Variants in SCUBE3 observed in about 807,000 individuals in gnomAD.
The protein encoded by SCUBE3 is signal peptide, CUB and EGF-like domain-containing protein 3.
SCUBE3 carries 33 observed loss-of-function variants against 116.8 expected under a neutral mutation model. That is an observed-to-expected ratio of 0.28 (90% CI 0.21 to 0.38). The LOEUF (loss-of-function observed/expected upper bound fraction) is 0.38. Ranked by LOEUF, SCUBE3 falls within the 10% of genes least tolerant of loss-of-function variation. The pLI is 1.00. For synonymous variants in SCUBE3, 418 were observed against 496.9 expected, an observed-to-expected ratio of 0.84 and a Z score of 2.11; for missense variants, 1,007 against 1,324.8, an observed-to-expected ratio of 0.76 and a Z score of 3.72.
intron 6 of SCUBE3, among the ~76,000 whole-genome samples, chr6:35,236,931 C>T (rs1235898191): frequency 6.6e-6 from 1 of 152,142 alleles, no homozygotes; most frequent in Non-Finnish European, 1.5e-5. Flanking sequence ...TCTGACTTTC[C>T]CAAGCTACCA....
At position 35,235,759 on chromosome 6, in the gene SCUBE3, C is replaced by T. The variant is rs906936656; in HGVS notation, c.713-2143C>T. On this transcript the variant is annotated intron_variant, in intron 6 of 21. Coordinates refer to ENST00000274938, the MANE Select transcript of SCUBE3 (RefSeq NM_152753.4). The surrounding 1 kb of genome is among the most constrained non-coding windows in gnomAD (Gnocchi z 4.5). Reference sequence around the variant, plus strand: ...GCCCTTCCTCTTCTGCTGTCTCCTCCCACACCCACCTTCTAACACCCCACC... The same window carrying T: ...GCCCTTCCTCTTCTGCTGTCTCCTCTCACACCCACCTTCTAACACCCCACC... Among the ~76,000 whole-genome samples the T allele has an allele frequency of 6.6e-6, 1 of 152,128 alleles. No individual in the cohort carries two copies. The highest frequency in any genetic ancestry group is 1.5e-5 in the Non-Finnish European group (1 of 68,018).
chr6:35,226,641 C>T (rs748787364), intron 1 of SCUBE3, among the ~76,000 whole-genome samples: 6 of 151,966 alleles, frequency 3.9e-5, no homozygotes, highest in Non-Finnish European at 5.9e-5. Context: ...CATCACCACA[C>T]CTGGCTAATT....
chr6:35,214,158 C>T lies in SCUBE3; in HGVS notation c.-261C>T, dbSNP rs955698430. Among the ~76,000 whole-genome samples the T allele has an allele frequency of 2.6e-5, 4 of 152,196 alleles. No homozygotes were observed. Among genetic ancestry groups the T allele is most frequent in the African/African-American group, 9.6e-5 (4 of 41,460 alleles). ...CGGCTTGGAGAGGGCGGGGGTTCCC[C>T]TCCGTCAGTCGCCCCTGGCGCCCCT... On this transcript the variant is annotated 5_prime_UTR_variant, in exon 1 of 22. Coordinates refer to ENST00000274938, the MANE Select transcript of SCUBE3 (RefSeq NM_152753.4). The surrounding 1 kb of genome is among the most constrained non-coding windows in gnomAD (Gnocchi z 6.3).
intron 1 of SCUBE3, chr6:35,218,190 G>T (rs1782998532): frequency 2.0e-6 from 2 of 980,280 alleles, no homozygotes; most frequent in South Asian, 4.7e-5. Context: ...AGAGGAGCCG[G>T]CCCTGGGTGT....
At position 35,241,634 on chromosome 6, in the gene SCUBE3, T is replaced by C; in HGVS notation, c.1287T>C (p.Cys429=). Residue 429 remains cysteine (C), a synonymous_variant, in exon 11 of 22, where the codon TGT becomes TGC. Transcript: ENST00000274938. This position sits in a 1 kb window ranked among gnomAD's most constrained non-coding sequence, Gnocchi z 4.1. The stretch of plus-strand genomic sequence containing the variant: ...AGAAGGACACCTGTGCCCTGACCTG[T>C]CCCTCCAGGGCCCGATTTTTGCCAG... ...SGKKDTCALT[C]PSRARFLPES... 6.2e-7 allele frequency: 1 copy of C among 1,613,692 alleles called. No homozygotes were observed. Among genetic ancestry groups the C allele is most frequent in the South Asian group, 1.1e-5 (1 of 91,056 alleles).
chr6:35,237,162 CTCTT>C (rs1236312778), intron 6 of SCUBE3, among the ~76,000 whole-genome samples: 1 of 152,192 alleles, frequency 6.6e-6, no homozygotes, highest in African/African-American at 2.4e-5. Context: ...CTGGATTCTT[CTCTT>C]TCTTTTGCTT....
rs1165752182 is a variant in SCUBE3 at position 35,243,834 on chromosome 6, A to C, written c.2071+79A>C. ...ATGGGCATGGGATTTCCCAAAGGGC[A>C]GGCCCAGGCTCCAGGCCACTCTCTT... On this transcript the variant is annotated intron_variant, in intron 16 of 21. Coordinates refer to ENST00000274938, the MANE Select transcript of SCUBE3 (RefSeq NM_152753.4). The surrounding 1 kb of genome is among the most constrained non-coding windows in gnomAD (Gnocchi z 6.6). 7.7e-6 allele frequency: 12 copies of C among 1,548,508 alleles called. No homozygotes were observed. Among genetic ancestry groups the C allele is most frequent in the Non-Finnish European group, 1.1e-5 (12 of 1,129,660 alleles).
intron 1 of SCUBE3, chr6:35,218,006 C>A: frequency 3.4e-6 from 1 of 296,558 alleles, no homozygotes; most frequent in Non-Finnish European, 5.0e-6. Flanking sequence ...CTCTTTGAGT[C>A]TCTGCAGGGT....
Position 35,228,017 on chromosome 6 carries a change from C to G in SCUBE3, c.208+315C>G, listed in dbSNP as rs544440727. Among the ~76,000 whole-genome samples, 1 of 152,188 alleles carries G rather than the reference C, an allele frequency of 6.6e-6. No homozygotes were observed. The highest frequency in any genetic ancestry group is 1.5e-5 in the Non-Finnish European group (1 of 68,028). ...ACATTGGAACCTTTATCTTTAGACC[C>G]TTACACCACATCCACAATGGATGGG... On this transcript the variant is annotated intron_variant, in intron 2 of 21. Transcript: ENST00000274938. The surrounding 1 kb of genome is among the most constrained non-coding windows in gnomAD (Gnocchi z 4.9).
chr6:35,226,156 C>T (rs932255069), intron 1 of SCUBE3, among the ~76,000 whole-genome samples: 2 of 152,146 alleles, frequency 1.3e-5, no homozygotes, highest in Non-Finnish European at 2.9e-5. Flanking sequence ...ACTGATGGCC[C>T]GGCACCAGTC....
At chr6:35,221,951 C>G (rs1783132441) in intron 1 of SCUBE3, 1 of 152,112 alleles carries the variant, frequency 6.6e-6, no homozygotes, top group Admixed American at 6.5e-5. Flanking sequence ...CAAGGACATT[C>G]AAGGAGAGGA....
chr6:35,242,182 T>G, intron 12 of SCUBE3, 22 bp from the exon 13 acceptor site: 6 of 1,559,192 alleles, frequency 3.8e-6, no homozygotes, highest in Non-Finnish European at 5.3e-6. Context: ...CATACTGTGC[T>G]GAGTTTCTAC....
In SCUBE3 at chr6:35,252,196, G is replaced by A. The variant is rs1484647039; in HGVS notation, c.*3491G>A. 1 of 152,226 alleles carries A rather than the reference G, an allele frequency of 6.6e-6. No individual in the cohort carries two copies. The highest frequency in any genetic ancestry group is 6.5e-5 in the Admixed American group (1 of 15,290). 9.4% of individuals were successfully genotyped at this position (152,226 alleles called of 1,614,324 possible). A position where few individuals can be genotyped will look rare whatever the true frequency, so the allele number is the denominator to read the frequency against. ...GGCCATGCCTATTCCTACAACCTGAGACAACTCTTGGAGTCAGAAGAAAAC... is the reference window on the plus strand; with the variant it reads ...GGCCATGCCTATTCCTACAACCTGAAACAACTCTTGGAGTCAGAAGAAAAC... On this transcript the variant is annotated 3_prime_UTR_variant, in exon 22 of 22. Coordinates refer to ENST00000274938, the MANE Select transcript of SCUBE3 (RefSeq NM_152753.4).
rs373855766 is a variant in SCUBE3 at position 35,242,718 on chromosome 6, G to A, written c.1631G>A (p.Gly544Asp). The change falls in exon 14 of 22, where the codon GGC becomes GAC. Residue 544 changes from glycine to aspartate, a missense_variant. Transcript: ENST00000274938. ...GGCCGACGGGCCCGGACCCCTCCAG[G>A]CAAAGAGGTCACAAGGCTCACCCTG... is the stretch of plus-strand genomic sequence containing the variant. ...GKGRRARTPP[G>D]KEVTRLTLEL... The A allele has an allele frequency of 1.8e-5, 29 of 1,614,032 alleles. No individual in the cohort carries two copies. The highest frequency in any genetic ancestry group is 2.7e-5 in the African/African-American group (2 of 74,950).
At position 35,227,573 on chromosome 6, in the gene SCUBE3, CT is replaced by C; in HGVS notation, c.86-6del. ...AGGTTCTCATGTGCCCCCTCTGCCCCTGCCAGATGTGGATGAGTGTGTGGAG... is the reference window on the plus strand; with the variant it reads ...AGGTTCTCATGTGCCCCCTCTGCCCCGCCAGATGTGGATGAGTGTGTGGAG... On this transcript the variant is annotated splice_polypyrimidine_tract_variant and splice_region_variant and intron_variant, in intron 1 of 21. Coordinates refer to ENST00000274938, the MANE Select transcript of SCUBE3 (RefSeq NM_152753.4). 5 of 1,614,170 alleles carry C rather than the reference CT, an allele frequency of 3.1e-6. No homozygotes were observed. Among genetic ancestry groups the C allele is most frequent in the Non-Finnish European group, 4.2e-6 (5 of 1,180,022 alleles).
chr6:35,244,609 T>C lies in SCUBE3; in HGVS notation c.2240-41T>C. The stretch of plus-strand genomic sequence containing the variant: ...CATCCCATGCCCCGTAACTCCCACC[T>C]GCCTACCATCTTGATTCCTGCCCTT... On this transcript the variant is annotated intron_variant, in intron 17 of 21. Coordinates refer to ENST00000274938, the MANE Select transcript of SCUBE3 (RefSeq NM_152753.4). The surrounding 1 kb of genome is among the most constrained non-coding windows in gnomAD (Gnocchi z 4.3). 1 of 1,581,610 alleles carries C rather than the reference T, an allele frequency of 6.3e-7. No individual in the cohort carries two copies. The highest frequency in any genetic ancestry group is 1.3e-5 in the African/African-American group (1 of 74,412).
At chr6:35,226,658 T>C (rs1249442966) in intron 1 of SCUBE3, among the ~76,000 whole-genome samples, 1 of 151,988 alleles carries the variant, frequency 6.6e-6, no homozygotes, top group Non-Finnish European at 1.5e-5. Context: ...AATTTTTGTA[T>C]TTTTAGTAGA....
Position 35,240,744 on chromosome 6 carries a change from C to T in SCUBE3, c.1069+254C>T, listed in dbSNP as rs1784005873. Among the ~76,000 whole-genome samples, 1 of 152,180 alleles carries T rather than the reference C, an allele frequency of 6.6e-6. No individual in the cohort carries two copies. Among genetic ancestry groups the T allele is most frequent in the Non-Finnish European group, 1.5e-5 (1 of 68,042 alleles). On this transcript the variant is annotated intron_variant, in intron 9 of 21. Coordinates refer to ENST00000274938, the MANE Select transcript of SCUBE3 (RefSeq NM_152753.4). This position sits in a 1 kb window ranked among gnomAD's most constrained non-coding sequence, Gnocchi z 4.6. Reference sequence around the variant, plus strand: ...GTCCCTGAACCCCCACTCTCAGCTCCCAAATGACAGTCTCACTGGTTGGGA... The same window carrying T: ...GTCCCTGAACCCCCACTCTCAGCTCTCAAATGACAGTCTCACTGGTTGGGA...
At position 35,241,328 on chromosome 6, in the gene SCUBE3, TG is replaced by T. The variant is rs1784034117; in HGVS notation, c.1195+64del. 1.0e-5 allele frequency: 16 copies of T among 1,532,382 alleles called. No individual in the cohort carries two copies. 94.9% of individuals were successfully genotyped at this position (1,532,382 alleles called of 1,614,324 possible). A position where few individuals can be genotyped will look rare whatever the true frequency, so the allele number is the denominator to read the frequency against. ...CCATTTCAGGGAGCAGTTGGGGTTC[TG>T]GAAAGCATAGAGTATCACATTGGGG... On this transcript the variant is annotated intron_variant, in intron 10 of 21. Transcript: ENST00000274938. The surrounding 1 kb of genome is among the most constrained non-coding windows in gnomAD (Gnocchi z 4.1).
Sources: allele counts gnomAD v4.1 joint callset (sites outside exome capture counted in the v4.1 genomes callset), GRCh38; gene constraint gnomAD v4.1.1; non-coding constraint Gnocchi (gnomAD v3.1); transcripts MANE v1.5; gene names NCBI Gene and HGNC (gene_info 2026-07-23, HGNC 2026-07-21).